The following CSNK1G1 variants were observed in gnomAD, a reference collection of about 807,000 sequenced individuals.
CSNK1G1 encodes the protein casein kinase 1 gamma 1, also known as casein kinase I isoform gamma-1.
A neutral mutation model predicts 59.6 loss-of-function variants in CSNK1G1; 22 were observed. That is an observed-to-expected ratio of 0.37 (90% CI 0.26 to 0.53). CSNK1G1 has a LOEUF of 0.53. CSNK1G1 is among the 20% of genes least tolerant of loss of function. The pLI is 0.89. For synonymous variants in CSNK1G1, 179 were observed against 177.1 expected (o/e 1.01, Z -0.08); for missense variants, 384 against 519.5 (o/e 0.74, Z 2.54).
At chr15:64,321,839 G>C (rs1259873569) in intron 1 of CSNK1G1, among the ~76,000 whole-genome samples, 1 of 152,204 alleles carries the variant, frequency 6.6e-6, no homozygotes, top group Non-Finnish European at 1.5e-5. Flanking sequence ...AAGTGGAGAA[G>C]AATGGAGGGA....
rs1277188765 is a variant in CSNK1G1 at position 64,286,349 on chromosome 15, AT to A, written c.181+13969del. The stretch of plus-strand genomic sequence containing the variant: ...TTGTTAACATGTTATTGTTAACAAT[AT>A]TGTTAACATGTTATTGTTAACAATA... On this transcript the variant is annotated intron_variant, in intron 2 of 11. Transcript: ENST00000303052. Among the ~76,000 whole-genome samples, 224 of 152,038 alleles carry A rather than the reference AT, an allele frequency of 1.5e-3. 1 individual carries two copies. Among genetic ancestry groups the A allele is most frequent in the African/African-American group, 5.3e-3 (218 of 41,484 alleles).
intron 10 of CSNK1G1, among the ~76,000 whole-genome samples, chr15:64,185,766 A>G (rs940721315): frequency 4.0e-5 from 6 of 151,768 alleles, no homozygotes; most frequent in South Asian, 2.1e-4. Context: ...CTAGAGGCTG[A>G]CAGGAGAATC....
chr15:64,319,418 CTT>C (rs754181670), intron 1 of CSNK1G1, among the ~76,000 whole-genome samples: 1 of 146,310 alleles, frequency 6.8e-6, no homozygotes, highest in Non-Finnish European at 1.5e-5. Context: ...GGAAATATAC[CTT>C]TTTTTTTTTT....
chr15:64,316,045 C>T (rs1473718149), intron 1 of CSNK1G1, among the ~76,000 whole-genome samples: 3 of 152,102 alleles, frequency 2.0e-5, no homozygotes, highest in Admixed American at 1.3e-4. Flanking sequence ...TTTGTTTTAA[C>T]AGATAGGGTC....
chr15:64,268,239 G>A (rs1368017943), intron 2 of CSNK1G1, among the ~76,000 whole-genome samples: 4 of 152,066 alleles, frequency 2.6e-5, no homozygotes, highest in African/African-American at 7.3e-5. Context: ...CACAAATCCT[G>A]CATCATCTCA....
At chr15:64,181,353 C>T in intron 10 of CSNK1G1, 2 of 1,536,058 alleles carry the variant, frequency 1.3e-6, no homozygotes, top group Non-Finnish European at 1.7e-6. Flanking sequence ...GCACATTATT[C>T]CTGTTTATGT....
chr15:64,270,678 T>A (rs1272947898), intron 2 of CSNK1G1, among the ~76,000 whole-genome samples: 1 of 150,894 alleles, frequency 6.6e-6, no homozygotes, highest in Non-Finnish European at 1.5e-5. Flanking sequence ...GAACATGGCG[T>A]GAACCCAGGA....
At chr15:64,273,187 T>C (rs1450092482) in intron 2 of CSNK1G1, among the ~76,000 whole-genome samples, 6 of 152,222 alleles carry the variant, frequency 3.9e-5, no homozygotes, top group Admixed American at 3.9e-4. Context: ...GGATAAAGAT[T>C]GAAGGCTATG....
intron 4 of CSNK1G1, among the ~76,000 whole-genome samples, chr15:64,219,312 T>C (rs1280674730): frequency 1.3e-5 from 2 of 152,216 alleles, no homozygotes; most frequent in African/African-American, 2.4e-5. Flanking sequence ...ATCAGACACA[T>C]GGTAAATGCA....
intron 11 of CSNK1G1, among the ~76,000 whole-genome samples, chr15:64,177,464 G>A (rs568080736): frequency 3.5e-4 from 53 of 152,344 alleles, no homozygotes; most frequent in African/African-American, 1.3e-3. Context: ...CTCTGGGCAA[G>A]ATGGATTGAT....
intron 1 of CSNK1G1, among the ~76,000 whole-genome samples, chr15:64,346,024 C>T (rs1008104641): frequency 1.4e-5 from 2 of 138,520 alleles, no homozygotes; most frequent in Non-Finnish European, 3.1e-5. Context: ...CTTCTGACCT[C>T]GTGATCTGCC....
At chr15:64,201,011 C>T (rs1273408843) in intron 10 of CSNK1G1, among the ~76,000 whole-genome samples, 1 of 152,072 alleles carries the variant, frequency 6.6e-6, no homozygotes, top group East Asian at 1.9e-4. Flanking sequence ...GTGGCTCACG[C>T]CTGTAATCCC....
At chr15:64,218,797 T>C (rs1453417498) in intron 4 of CSNK1G1, among the ~76,000 whole-genome samples, 2 of 152,148 alleles carry the variant, frequency 1.3e-5, no homozygotes, top group African/African-American at 2.4e-5. Flanking sequence ...CAATTGTTTT[T>C]GTTGTTGTCT....
At chr15:64,259,263 T>C (rs1452037857) in intron 2 of CSNK1G1, 22 bp from the exon 3 acceptor site, 14 of 1,562,130 alleles carry the variant, frequency 9.0e-6, no homozygotes, top group Non-Finnish European at 1.2e-5. Context: ...GCAGAATGTA[T>C]ATGTTTTAGT....
intron 2 of CSNK1G1, among the ~76,000 whole-genome samples, chr15:64,288,535 T>C (rs1013001983): frequency 5.3e-5 from 8 of 151,956 alleles, no homozygotes; most frequent in Admixed American, 3.3e-4. Context: ...AAATATTACA[T>C]GATACTTTAT....
At chr15:64,309,050 T>A (rs992992118) in intron 1 of CSNK1G1, among the ~76,000 whole-genome samples, 4 of 152,156 alleles carry the variant, frequency 2.6e-5, no homozygotes, top group Non-Finnish European at 4.4e-5. Context: ...TGGACCTGGG[T>A]CCTCCTTTAT....
At chr15:64,249,949 C>T (rs1412266691) in intron 4 of CSNK1G1, among the ~76,000 whole-genome samples, 2 of 152,144 alleles carry the variant, frequency 1.3e-5, no homozygotes, top group Non-Finnish European at 2.9e-5. Context: ...TGTCCACTTC[C>T]CCACTTAAAC....
rs139848134 is a variant in CSNK1G1 at position 64,337,968 on chromosome 15, G to C, written c.-225+18020C>G. Among the ~76,000 whole-genome samples, 1,056 of 152,292 alleles carry C rather than the reference G, an allele frequency of 6.9e-3. 17 individuals are homozygous for C. Among genetic ancestry groups the C allele is most frequent in the African/African-American group, 0.024 (1,013 of 41,556 alleles). On this transcript the variant is annotated intron_variant, in intron 1 of 11. Transcript: ENST00000303052. ...TTTACCCACGTCATAGCATGTGTCAGAATTTCCTTCCTTTGTATGTATATA... is the reference window on the plus strand; with the variant it reads ...TTTACCCACGTCATAGCATGTGTCACAATTTCCTTCCTTTGTATGTATATA...
At chr15:64,352,894 G>A (rs1320341349) in intron 1 of CSNK1G1, among the ~76,000 whole-genome samples, 1 of 151,580 alleles carries the variant, frequency 6.6e-6, no homozygotes, top group African/African-American at 2.4e-5. Context: ...TTCGAGACCT[G>A]CCTGGCCAAC....
Sources: gnomAD v4.1 joint callset for allele counts (sites outside exome capture counted in the v4.1 genomes callset) on GRCh38, gnomAD v4.1.1 for gene constraint, MANE v1.5 for transcripts, NCBI Gene and HGNC (gene_info 2026-07-23, HGNC 2026-07-21) for gene names.